The following PROCA1 variants were observed in gnomAD, a reference collection of about 807,000 sequenced individuals.
The protein encoded by PROCA1 is protein PROCA1.
A neutral mutation model predicts 23.2 loss-of-function variants in PROCA1; 22 were observed. That is an observed-to-expected ratio of 0.95 (90% CI 0.68 to 1.35). The LOEUF (loss-of-function observed/expected upper bound fraction) is 1.35. PROCA1 is among the 40% of genes most tolerant of loss of function. The pLI, the probability that PROCA1 is intolerant of heterozygous loss-of-function variation, is 0.00. For missense variants in PROCA1, 469 were observed against 459.8 expected, an observed-to-expected ratio of 1.02 and a Z score of -0.18; for synonymous variants, 182 against 179.2, an observed-to-expected ratio of 1.02 and a Z score of -0.12.
intron 2 of PROCA1, 50 bp downstream of exon 2, chr17:28,706,630 C>T (rs2032486050): frequency 8.0e-7 from 1 of 1,247,574 alleles, no homozygotes; most frequent in East Asian, 5.7e-5. Flanking sequence ...TCAGCTTTCC[C>T]AGGTGAGGGG....
chr17:28,711,502 G>C, intron 1 of PROCA1, 68 bp downstream of exon 1: 4 of 1,350,540 alleles, frequency 3.0e-6, no homozygotes, highest in Non-Finnish European at 4.0e-6. Context: ...CCGGCTTCCC[G>C]CGTGCGCCGC....
In PROCA1 at chr17:28,703,522, C is replaced by T. The variant is rs779972861; in HGVS notation, c.*36G>A. Reference sequence around the variant, plus strand: ...AGCAGCAGAGGGCCAGCCACAGGCTCGATGGCATTTATTCTGCACCCTGAC... The same window carrying T: ...AGCAGCAGAGGGCCAGCCACAGGCTTGATGGCATTTATTCTGCACCCTGAC... On this transcript the variant is annotated 3_prime_UTR_variant, in exon 5 of 5. Transcript: ENST00000682792. 133 of 1,580,788 alleles carry T rather than the reference C, an allele frequency of 8.4e-5. No homozygotes were observed. Among genetic ancestry groups the T allele is most frequent in the Admixed American group, 2.1e-4 (12 of 57,142 alleles).
At chr17:28,704,975 T>C in intron 2 of PROCA1, 132 bp from the exon 3 acceptor site, 6 of 823,152 alleles carry the variant, frequency 7.3e-6, no homozygotes, top group South Asian at 7.0e-5. Flanking sequence ...TCTGCTTCAG[T>C]AGTAGTAACT....
At chr17:28,708,658 G>A (rs1039648824) in intron 1 of PROCA1, among the ~76,000 whole-genome samples, 10 of 151,634 alleles carry the variant, frequency 6.6e-5, no homozygotes, top group African/African-American at 2.2e-4. Flanking sequence ...GGCAAGAGGC[G>A]GGAGGATAGC....
rs868568111 is a variant in PROCA1 at position 28,704,968 on chromosome 17, G to T, written c.176-125C>A. On this transcript the variant is annotated intron_variant, in intron 2 of 4. Coordinates refer to ENST00000682792, the MANE Select transcript of PROCA1 (RefSeq NM_001366301.1). Reference sequence around the variant, plus strand: ...GCTGTCCACCCCAAGAAGTGTTTCTGCTTCAGTAGTAGTAACTTGGCCGCA... The same window carrying T: ...GCTGTCCACCCCAAGAAGTGTTTCTTCTTCAGTAGTAGTAACTTGGCCGCA... 41 of 884,052 alleles carry T rather than the reference G, an allele frequency of 4.6e-5. No homozygotes were observed. In the Middle Eastern group the frequency reaches 1.8e-3, roughly 38 times the overall value. The allele number at this position is 884,052 out of a possible 1,614,324, so 54.8% of individuals were successfully genotyped here.
intron 3 of PROCA1, 97 bp from the exon 4 acceptor site, chr17:28,704,532 C>T (rs762858588): frequency 1.9e-6 from 3 of 1,548,144 alleles, no homozygotes; most frequent in Non-Finnish European, 2.6e-6. Context: ...GGGCCTGCCT[C>T]AGGCCAACAG....
intron 1 of PROCA1, among the ~76,000 whole-genome samples, chr17:28,709,300 G>A (rs1216150087): frequency 6.6e-6 from 1 of 151,766 alleles, no homozygotes; most frequent in African/African-American, 2.4e-5. Context: ...GTGTCGCCCA[G>A]GCTGGAGTGC....
At chr17:28,710,816 G>A in intron 1 of PROCA1, 1 of 1,304,214 alleles carries the variant, frequency 7.7e-7, no homozygotes, top group Non-Finnish European at 1.0e-6. Context: ...GAGGCTTATG[G>A]CGTCTTTCCC....
intron 1 of PROCA1, chr17:28,711,010 G>GAGGGAAGGAGTAGGGCGGGAAGGT: frequency 3.4e-6 from 3 of 890,600 alleles, no homozygotes; most frequent in South Asian, 1.5e-5. Flanking sequence ...GGCGGGAAGG[G>GAGGGAAGGAGTAGGGCGGGAAGGT]AGGGAAGAAA....
chr17:28,711,738 C>G lies in PROCA1; in HGVS notation c.-78G>C. The G allele has an allele frequency of 7.6e-7, 1 of 1,322,358 alleles. No individual in the cohort carries two copies. Among genetic ancestry groups the G allele is most frequent in the Non-Finnish European group, 1.0e-6 (1 of 972,318 alleles). The allele number at this position is 1,322,358 out of a possible 1,614,324, so 81.9% of individuals were successfully genotyped here. On this transcript the variant is annotated 5_prime_UTR_variant, in exon 1 of 5. Transcript: ENST00000682792. The stretch of plus-strand genomic sequence containing the variant: ...CTGAGCCTCAGCCCGGCCGAGCCCT[C>G]GGCCCAGCCGTGAACTCCAGTCTCG...
At chr17:28,705,000 C>T in intron 2 of PROCA1, 157 bp from the exon 3 acceptor site, 1 of 654,602 alleles carries the variant, frequency 1.5e-6, no homozygotes, top group Admixed American at 2.9e-5. Flanking sequence ...CGCAGAGTAA[C>T]CCCATGTCCC....
chr17:28,711,625 C>G lies in PROCA1; in HGVS notation c.36G>C (p.Trp12Cys). 1 of 1,612,688 alleles carries G rather than the reference C, an allele frequency of 6.2e-7. No homozygotes were observed. Among genetic ancestry groups the G allele is most frequent in the East Asian group, 2.2e-5 (1 of 44,644 alleles). Residue 12 changes from tryptophan to cysteine, a missense_variant, in exon 1 of 5, where the codon TGG becomes TGC. Transcript: ENST00000682792. ...WVRTTLTIER[W>C]TKEKTEPKAR... is the part of the protein sequence containing the mutation. ...CCTTGGGCTCGGTCTTTTCCTTAGT[C>G]CATCTTTCAATTGTGAGCGTCGTCC...
chr17:28,711,390 A>T, intron 1 of PROCA1, 180 bp downstream of exon 1: 1 of 586,326 alleles, frequency 1.7e-6, no homozygotes, highest in Non-Finnish European at 2.8e-6. Context: ...GCTCGACGCG[A>T]GCCCGCCCCC....
Position 28,704,571 on chromosome 17 carries a change from G to T in PROCA1, c.312-136C>A. 3 of 1,552,198 alleles carry T rather than the reference G, an allele frequency of 1.9e-6. 1 individual carries two copies. In the South Asian group the frequency reaches 3.7e-5, roughly 19 times the overall value. On this transcript the variant is annotated intron_variant, in intron 3 of 4. Coordinates refer to ENST00000682792, the MANE Select transcript of PROCA1 (RefSeq NM_001366301.1). ...TCCTCCCCATTTCTCTTAGAGCAGA[G>T]CAAGGTGTGCAGAGCTGGGACTGGG...
At position 28,704,335 on chromosome 17, in the gene PROCA1, C is replaced by A. The variant is rs1174475888; in HGVS notation, c.412G>T (p.Glu138Ter). The A allele has an allele frequency of 6.2e-7, 1 of 1,613,986 alleles. No individual in the cohort carries two copies. Among genetic ancestry groups the A allele is most frequent in the East Asian group, 2.2e-5 (1 of 44,880 alleles). Residue 138 changes from glutamate to a stop codon, truncating the protein, a stop_gained, in exon 4 of 5, where the codon GAG becomes TAG. Transcript: ENST00000682792. LOFTEE classifies it low-confidence loss of function (END_TRUNC). ...SPCFELTPEE[E>*]HVERFRYGWC... ...CCATACCGGAATCGCTCCACATGCT[C>A]CTCCTCCGGTGTGAGCTCAAAGCAA...
chr17:28,704,635 G>T (rs1470469886), intron 3 of PROCA1, 73 bp downstream of exon 3: 2 of 1,593,632 alleles, frequency 1.3e-6, no homozygotes, highest in Non-Finnish European at 1.7e-6. Flanking sequence ...GCAAACCAAA[G>T]GTTGAAGGGG....
intron 1 of PROCA1, chr17:28,711,040 AGAG>A: frequency 8.4e-7 from 1 of 1,196,716 alleles, no homozygotes; most frequent in Non-Finnish European, 1.1e-6. Context: ...GAAGGAGGGA[AGAG>A]GAGGAAGCAA....
intron 2 of PROCA1, chr17:28,706,468 T>C (rs1481450600): frequency 1.9e-5 from 5 of 266,350 alleles, no homozygotes; most frequent in Admixed American, 8.2e-5. Flanking sequence ...AAGATACTTA[T>C]GTGCCATAAA....
At position 28,704,973 on chromosome 17, in the gene PROCA1, A is replaced by G. The variant is rs934267414; in HGVS notation, c.176-130T>C. On this transcript the variant is annotated intron_variant, in intron 2 of 4. Coordinates refer to ENST00000682792, the MANE Select transcript of PROCA1 (RefSeq NM_001366301.1). ...CCACCCCAAGAAGTGTTTCTGCTTC[A>G]GTAGTAGTAACTTGGCCGCAGAGTA... is the stretch of plus-strand genomic sequence containing the variant. 8.3e-6 allele frequency: 7 copies of G among 846,790 alleles called. No homozygotes were observed. The African/African-American group carries it at 8.5e-5, about 10-fold the overall frequency. The allele number at this position is 846,790 out of a possible 1,614,324, so 52.5% of individuals were successfully genotyped here. A position where few individuals can be genotyped will look rare whatever the true frequency, so the allele number is the denominator to read the frequency against.
Sources: gnomAD v4.1 joint callset for allele counts (sites outside exome capture counted in the v4.1 genomes callset) on GRCh38, gnomAD v4.1.1 for gene constraint, MANE v1.5 for transcripts, NCBI Gene and HGNC (gene_info 2026-07-23, HGNC 2026-07-21) for gene names.